The following SHANK2 variants were observed in gnomAD, a reference collection of about 807,000 sequenced individuals.
SHANK2 encodes SH3 and multiple ankyrin repeat domains 2, also known as SH3 and multiple ankyrin repeat domains protein 2.
Under a neutral mutation model 133.7 loss-of-function variants are expected in SHANK2, and 43 were observed. That is an observed-to-expected ratio of 0.32 (90% CI 0.25 to 0.41). SHANK2 has a LOEUF of 0.41. Among genes scored for constraint, SHANK2 ranks in the 10% least tolerant of loss-of-function variants. The probability of loss-of-function intolerance (pLI) is 1.00; values close to 1 mark genes in which losing one functional copy is unlikely to be tolerated. For synonymous variants in SHANK2, 1,017 were observed against 952.8 expected (o/e 1.07, Z -1.24); for missense variants, 1,994 against 2,235.8 (o/e 0.89, Z 2.18).
intron 17 of SHANK2, among the ~76,000 whole-genome samples, chr11:70,653,913 C>T (rs1555010831): frequency 6.6e-6 from 1 of 152,234 alleles, no homozygotes; most frequent in African/African-American, 2.4e-5. Flanking sequence ...GAATTACAGG[C>T]ATAAGCCACC....
At chr11:71,070,579 G>A (rs1475211543) in intron 9 of SHANK2, among the ~76,000 whole-genome samples, 2 of 151,852 alleles carry the variant, frequency 1.3e-5, no homozygotes, top group African/African-American at 4.8e-5. Context: ...TGGGGAGGGG[G>A]ATCCATCAAT....
intron 17 of SHANK2, among the ~76,000 whole-genome samples, chr11:70,642,380 T>C (rs1370423680): frequency 2.0e-5 from 3 of 152,064 alleles, no homozygotes; most frequent in Non-Finnish European, 4.4e-5. Context: ...ATAAAGACAA[T>C]GTCCTAGCTA....
intron 14 of SHANK2, among the ~76,000 whole-genome samples, chr11:70,749,522 T>C (rs984119190): frequency 6.6e-6 from 1 of 152,230 alleles, no homozygotes; most frequent in Non-Finnish European, 1.5e-5. Context: ...CCAAAATTCC[T>C]GGGAAAATAT....
At chr11:70,502,094 A>G in intron 19 of SHANK2, 112 bp downstream of exon 19, 1 of 1,333,352 alleles carries the variant, frequency 7.5e-7, no homozygotes, top group Non-Finnish European at 1.1e-6. Context: ...GTACAGGGGC[A>G]GGAGGGGGGT....
chr11:70,550,226 C>T (rs928223381), intron 17 of SHANK2, among the ~76,000 whole-genome samples: 1 of 152,168 alleles, frequency 6.6e-6, no homozygotes, highest in Non-Finnish European at 1.5e-5. Flanking sequence ...CCCGGTAGCA[C>T]CTCTGGAAGG....
intron 9 of SHANK2, among the ~76,000 whole-genome samples, chr11:71,062,882 A>G (rs1192774314): frequency 2.0e-5 from 3 of 151,152 alleles, no homozygotes; most frequent in African/African-American, 7.3e-5. Context: ...CTGTAGTCCT[A>G]GCTACTTGGG....
chr11:71,180,699 A>G (rs1206589187), intron 2 of SHANK2, among the ~76,000 whole-genome samples: 2 of 152,148 alleles, frequency 1.3e-5, no homozygotes, highest in African/African-American at 4.8e-5. Flanking sequence ...GCCACACTAC[A>G]CTAGGCCACA....
At chr11:70,561,048 G>A (rs187391881) in intron 17 of SHANK2, among the ~76,000 whole-genome samples, 82 of 152,346 alleles carry the variant, frequency 5.4e-4, no homozygotes, top group African/African-American at 1.9e-3. Flanking sequence ...TTTTGATAAA[G>A]GGCAAAGGCA....
At chr11:70,935,186 A>T (rs1442668223) in intron 10 of SHANK2, among the ~76,000 whole-genome samples, 2 of 152,176 alleles carry the variant, frequency 1.3e-5, no homozygotes, top group Non-Finnish European at 2.9e-5. Flanking sequence ...CGTCCTGCCC[A>T]GGATGTGAAT....
rs782011910 is a variant in SHANK2 at position 70,747,206 on chromosome 11, T to C, written c.1778-48443A>G. Among the ~76,000 whole-genome samples the C allele has an allele frequency of 6.6e-5, 10 of 151,492 alleles. 1 individual carries two copies. Among genetic ancestry groups the C allele is most frequent in the Admixed American group, 3.3e-4 (5 of 15,230 alleles). ...CTGGGTGGGGTACACCACCCTGAAGTGGAAACCGGTGGCAGAGTTTGCAGC... is the reference window on the plus strand; with the variant it reads ...CTGGGTGGGGTACACCACCCTGAAGCGGAAACCGGTGGCAGAGTTTGCAGC... On this transcript the variant is annotated intron_variant, in intron 14 of 25. Transcript: ENST00000601538.
intron 4 of SHANK2, among the ~76,000 whole-genome samples, chr11:71,118,097 C>T (rs1167132706): frequency 6.6e-6 from 1 of 152,088 alleles, no homozygotes; most frequent in Non-Finnish European, 1.5e-5. Context: ...AAATTTAAAA[C>T]CCCTCAGAGA....
chr11:70,918,784 GGCA>G (rs1950306601), intron 10 of SHANK2, among the ~76,000 whole-genome samples: 3 of 152,130 alleles, frequency 2.0e-5, no homozygotes, highest in African/African-American at 7.2e-5. Context: ...GGGATTACAG[GGCA>G]TGACCCACCA....
chr11:70,668,922 G>C (rs576706723), intron 15 of SHANK2: 1 of 152,446 alleles, frequency 6.6e-6, no homozygotes, highest in South Asian at 2.1e-4. Context: ...ACAGCTTGGC[G>C]GTGACGCACA....
chr11:70,753,811 A>ACTGTGTGTGTGTGTGTGTGTGT (rs71049937), intron 14 of SHANK2, among the ~76,000 whole-genome samples: 2,508 of 144,778 alleles, frequency 0.017, 143 homozygotes, highest in African/African-American at 0.06. Context: ...AAAGATATTA[A>ACTGTGTGTGTGTGTGTGTGTGT]GTGTGTGTGT....
chr11:70,480,681 T>C (rs1382323265), intron 25 of SHANK2, among the ~76,000 whole-genome samples: 1 of 152,222 alleles, frequency 6.6e-6, no homozygotes, highest in African/African-American at 2.4e-5. Context: ...GTTGAGTGAA[T>C]GATTAGTGAC....
Position 71,158,597 on chromosome 11 carries a change from G to C in SHANK2, c.-12-11259C>G, listed in dbSNP as rs115232597. ...CTTCTAATAAAACCCTGATAGGACT[G>C]TTGGTAGAACTTAACACTCTGATCT... On this transcript the variant is annotated intron_variant, in intron 2 of 25. Transcript: ENST00000601538. Among the ~76,000 whole-genome samples, 1,012 of 152,320 alleles carry C rather than the reference G, an allele frequency of 6.6e-3. 8 individuals are homozygous for C. Among genetic ancestry groups the C allele is most frequent in the African/African-American group, 0.023 (971 of 41,576 alleles).
intron 11 of SHANK2, among the ~76,000 whole-genome samples, chr11:70,840,070 C>T (rs1350693096): frequency 6.6e-6 from 1 of 152,208 alleles, no homozygotes; most frequent in Non-Finnish European, 1.5e-5. Context: ...GTGGGGCCCA[C>T]CAGCTGACTC....
chr11:71,147,275 C>G lies in SHANK2; in HGVS notation c.52G>C (p.Asp18His). The G allele has an allele frequency of 6.4e-7, 1 of 1,551,024 alleles. No homozygotes were observed. The highest frequency in any genetic ancestry group is 8.7e-7 in the Non-Finnish European group (1 of 1,146,946). ...SEDEMAQSFS[D>H]YSVGSESDSS... ...TCTGACTCCGACCCCACGGAGTAGT[C>G]GGAGAAGCTCTGGGCCATCTCGTCC... The change falls in exon 3 of 26, where the codon GAC (aspartate) becomes CAC (histidine). Residue 18 changes from aspartate (D) to histidine (H), a missense_variant. Around this residue, in one of 5 missense-constraint regions of SHANK2, gnomAD observed 653 missense variants for 563.4 expected, o/e 1.16. Coordinates refer to ENST00000601538, the MANE Select transcript of SHANK2 (RefSeq NM_012309.5).
chr11:70,612,877 G>A (rs1554994722), intron 17 of SHANK2, among the ~76,000 whole-genome samples: 1 of 152,176 alleles, frequency 6.6e-6, no homozygotes, highest in African/African-American at 2.4e-5. Context: ...TCCACAGCAT[G>A]TCTGAGATTC....
Sources: allele counts gnomAD v4.1 joint callset (sites outside exome capture counted in the v4.1 genomes callset), GRCh38; gene constraint gnomAD v4.1.1; regional missense constraint gnomAD v4.1.1; transcripts MANE v1.5; gene names NCBI Gene and HGNC (gene_info 2026-07-23, HGNC 2026-07-21).